The following RABGAP1L variants were observed in gnomAD, a reference collection of about 807,000 sequenced individuals.
The protein encoded by RABGAP1L is RAB GTPase activating protein 1 like.
A neutral mutation model predicts 137.7 loss-of-function variants in RABGAP1L; 63 were observed. That is an observed-to-expected ratio of 0.46 (90% CI 0.37 to 0.56). The LOEUF is 0.56. RABGAP1L is among the 20% of genes least tolerant of loss of function. The pLI, the probability that RABGAP1L is intolerant of heterozygous loss-of-function variation, is 0.00. For missense variants in RABGAP1L, 1,095 were observed against 1,244.0 expected (o/e 0.88, Z 1.80); for synonymous variants, 431 against 433.7 (o/e 0.99, Z 0.08).
chr1:174,519,281 A>G lies in RABGAP1L; in HGVS notation c.1711-118094A>G, dbSNP rs373730255. ...GAGTTTATTAACTTACATGATCACA[A>G]GTTCCCACAACAGGCTGTCTGCAAG... is the stretch of plus-strand genomic sequence containing the variant. On this transcript the variant is annotated intron_variant, in intron 13 of 25. Transcript: ENST00000681986. 3.3e-5 allele frequency among the ~76,000 whole-genome samples: 5 copies of G among 152,162 alleles called. No individual in the cohort carries two copies. The East Asian group carries it at 9.7e-4, about 29-fold the overall frequency.
At chr1:174,648,500 G>A (rs531083023) in intron 14 of RABGAP1L, among the ~76,000 whole-genome samples, 1 of 152,264 alleles carries the variant, frequency 6.6e-6, no homozygotes, top group Admixed American at 6.5e-5. Context: ...CAGTTTCCAT[G>A]TAGTTGTGCA....
At chr1:174,780,774 A>T (rs1341276800) in intron 18 of RABGAP1L, among the ~76,000 whole-genome samples, 1 of 128,320 alleles carries the variant, frequency 7.8e-6, no homozygotes, top group East Asian at 2.4e-4. Context: ...CTTGTGTCCA[A>T]GTGTTCTCAT....
chr1:174,225,466 C>G (rs1009160904), intron 3 of RABGAP1L, among the ~76,000 whole-genome samples: 7 of 87,748 alleles, frequency 8.0e-5, no homozygotes, highest in African/African-American at 2.9e-4. Flanking sequence ...GAGACTATTT[C>G]TTGTTAAAAT....
chr1:174,205,635 C>T lies in RABGAP1L; in HGVS notation c.-33-13490C>T, dbSNP rs865909435. Among the ~76,000 whole-genome samples, 35 of 152,050 alleles carry T rather than the reference C, an allele frequency of 2.3e-4. No homozygotes were observed. The Middle Eastern group carries it at 0.01, about 44-fold the overall frequency. ...TTCTGTGGGGTCAGTGGTAACATTT[C>T]CTTTGTTATTTCTAATTGTGTTCTC... On this transcript the variant is annotated intron_variant, in intron 1 of 25. Coordinates refer to ENST00000681986, the MANE Select transcript of RABGAP1L (RefSeq NM_001366446.1).
At chr1:174,213,449 G>C (rs1461505407) in intron 1 of RABGAP1L, among the ~76,000 whole-genome samples, 2 of 152,100 alleles carry the variant, frequency 1.3e-5, no homozygotes, top group Admixed American at 6.5e-5. Flanking sequence ...TAGAGGAGAA[G>C]GGAATACTTT....
chr1:174,224,927 T>A (rs1670050526), intron 3 of RABGAP1L, among the ~76,000 whole-genome samples: 1 of 152,152 alleles, frequency 6.6e-6, no homozygotes, highest in African/African-American at 2.4e-5. Context: ...GTGGTTTTCT[T>A]TGAGTTTATC....
At chr1:174,797,769 G>T (rs1206751295) in intron 18 of RABGAP1L, among the ~76,000 whole-genome samples, 1 of 151,578 alleles carries the variant, frequency 6.6e-6, no homozygotes, top group Non-Finnish European at 1.5e-5. Flanking sequence ...AGTATGAAAG[G>T]CCCAGAACCT....
chr1:174,655,591 T>A (rs908816764), intron 14 of RABGAP1L, among the ~76,000 whole-genome samples: 9 of 152,226 alleles, frequency 5.9e-5, no homozygotes, highest in African/African-American at 2.2e-4. Flanking sequence ...TACTCCACGA[T>A]GAAATTACTC....
chr1:174,508,632 G>T (rs1166059055), intron 13 of RABGAP1L, among the ~76,000 whole-genome samples: 1 of 152,118 alleles, frequency 6.6e-6, no homozygotes, highest in East Asian at 1.9e-4. Context: ...TCCTGGAAGT[G>T]CTAGAGAAAT....
At chr1:174,520,606 T>G (rs1663278647) in intron 13 of RABGAP1L, among the ~76,000 whole-genome samples, 1 of 152,224 alleles carries the variant, frequency 6.6e-6, no homozygotes, top group African/African-American at 2.4e-5. Context: ...CAGTAAATAT[T>G]TTAGAATATC....
At chr1:174,427,144 ATGTGTG>A (rs57986877) in intron 13 of RABGAP1L, among the ~76,000 whole-genome samples, 11,150 of 144,584 alleles carry the variant, frequency 0.077, 468 homozygotes, top group Non-Finnish European at 0.093. Context: ...CCGCATGTTT[ATGTGTG>A]TGTGTGTGTG....
chr1:174,830,005 CTTCTGTTGG>C (rs1691940920), intron 19 of RABGAP1L, among the ~76,000 whole-genome samples: 1 of 147,964 alleles, frequency 6.8e-6, no homozygotes, highest in Non-Finnish European at 1.5e-5. Context: ...CTAGGTGGTT[CTTCTGTTGG>C]TATCTCCTGG....
intron 19 of RABGAP1L, among the ~76,000 whole-genome samples, chr1:174,913,837 C>T (rs887710296): frequency 1.3e-5 from 2 of 152,082 alleles, no homozygotes; most frequent in Non-Finnish European, 2.9e-5. Context: ...TGACTGGCCA[C>T]TCATTGTTTC....
chr1:174,364,573 A>T (rs1268158298), intron 11 of RABGAP1L, among the ~76,000 whole-genome samples: 2 of 151,938 alleles, frequency 1.3e-5, no homozygotes, highest in Admixed American at 1.3e-4. Flanking sequence ...TCATGGTTCA[A>T]TGTTGGTAGG....
At chr1:174,525,780 G>C (rs189808695) in intron 13 of RABGAP1L, among the ~76,000 whole-genome samples, 65 of 152,092 alleles carry the variant, frequency 4.3e-4, no homozygotes, top group African/African-American at 1.4e-3. Context: ...TGTCATTTAT[G>C]GTCTTTATTA....
At chr1:174,675,498 A>G (rs1677547878) in intron 14 of RABGAP1L, among the ~76,000 whole-genome samples, 1 of 151,482 alleles carries the variant, frequency 6.6e-6, no homozygotes, top group South Asian at 2.1e-4. Flanking sequence ...GTAGCCTTGT[A>G]GTATAGTTTG....
chr1:174,541,509 CT>C (rs1459483084), intron 13 of RABGAP1L, among the ~76,000 whole-genome samples: 1 of 152,116 alleles, frequency 6.6e-6, no homozygotes, highest in Admixed American at 6.5e-5. Context: ...GGTGCGGTGG[CT>C]CACCACCTGT....
At chr1:174,971,451 A>G (rs1228549447) in intron 21 of RABGAP1L, among the ~76,000 whole-genome samples, 2 of 152,106 alleles carry the variant, frequency 1.3e-5, no homozygotes, top group African/African-American at 2.4e-5. Context: ...ACAGCCCCTG[A>G]AGAAAAGGTT....
chr1:174,858,451 G>T (rs1261642968), intron 19 of RABGAP1L, among the ~76,000 whole-genome samples: 1 of 152,138 alleles, frequency 6.6e-6, no homozygotes, highest in Non-Finnish European at 1.5e-5. Flanking sequence ...TATCTGGTGT[G>T]CAGAGGCCAA....
Sources: gnomAD v4.1 joint callset for allele counts (sites outside exome capture counted in the v4.1 genomes callset) on GRCh38, gnomAD v4.1.1 for gene constraint, MANE v1.5 for transcripts, NCBI Gene and HGNC (gene_info 2026-07-23, HGNC 2026-07-21) for gene names.